PREP: variants seen among roughly 807,000 people sequenced by gnomAD.
The protein encoded by PREP is prolyl endopeptidase.
Under a neutral mutation model 87.6 loss-of-function variants are expected in PREP, and 29 were observed. The ratio of observed to expected loss-of-function variants is 0.33; its 90% CI spans 0.25 to 0.45. The LOEUF is 0.45. Ranked by LOEUF, PREP falls within the 20% of genes least tolerant of loss-of-function variation. PREP has a pLI of 1.00. For synonymous variants in PREP, 337 were observed against 328.6 expected, an observed-to-expected ratio of 1.03 and a Z score of -0.28; for missense variants, 695 against 886.5, an observed-to-expected ratio of 0.78 and a Z score of 2.74.
Position 105,278,583 on chromosome 6 carries a change from T to C in PREP, c.1839-145A>G. ...TGGACTGTGCCTATGCGTTACCATT[T>C]AGGCCATGACTGGCAAGGGCTCCTG... On this transcript the variant is annotated intron_variant, in intron 14 of 14. Coordinates refer to ENST00000652536, the MANE Select transcript of PREP (RefSeq NM_002726.5). This position sits in a 1 kb window ranked among gnomAD's most constrained non-coding sequence, Gnocchi z 4.2. 1.2e-6 allele frequency: 1 copy of C among 860,620 alleles called. No homozygotes were observed. Among genetic ancestry groups the C allele is most frequent in the Non-Finnish European group, 1.7e-6 (1 of 576,070 alleles). 53.3% of individuals were successfully genotyped at this position (860,620 alleles called of 1,614,324 possible).
chr6:105,359,336 G>C (rs529116083), intron 6 of PREP, among the ~76,000 whole-genome samples: 1 of 152,270 alleles, frequency 6.6e-6, no homozygotes, highest in East Asian at 1.9e-4. Context: ...GCCAGAGAGG[G>C]GCATCTACAG....
intron 6 of PREP, among the ~76,000 whole-genome samples, chr6:105,366,115 C>T (rs1275772295): frequency 6.6e-6 from 1 of 151,980 alleles, no homozygotes; most frequent in Non-Finnish European, 1.5e-5. Flanking sequence ...ATTATCCCGG[C>T]GTGGTGGTCC....
chr6:105,356,484 T>A (rs374988662), intron 6 of PREP, among the ~76,000 whole-genome samples: 5 of 152,194 alleles, frequency 3.3e-5, no homozygotes, highest in African/African-American at 1.2e-4. Context: ...ATGAGGGGAT[T>A]CCAAGGCAGA....
intron 7 of PREP, among the ~76,000 whole-genome samples, chr6:105,336,260 A>G (rs1771474493): frequency 6.6e-6 from 1 of 152,270 alleles, no homozygotes; most frequent in South Asian, 2.1e-4. Flanking sequence ...ACCCTGTCTC[A>G]AGAAAATATA....
intron 4 of PREP, 135 bp downstream of exon 4, chr6:105,375,990 G>A (rs1012093128): frequency 1.9e-6 from 2 of 1,035,008 alleles, no homozygotes; most frequent in Non-Finnish European, 2.7e-6. Flanking sequence ...TAGCTTTCCT[G>A]ATATTGTATG....
intron 2 of PREP, among the ~76,000 whole-genome samples, chr6:105,395,233 G>A (rs563378251): frequency 6.6e-6 from 1 of 152,312 alleles, no homozygotes; most frequent in African/African-American, 2.4e-5. Context: ...TCACACCTGA[G>A]GGCCTACAAA....
At chr6:105,311,510 G>C (rs1263933986) in intron 10 of PREP, among the ~76,000 whole-genome samples, 1 of 152,226 alleles carries the variant, frequency 6.6e-6, no homozygotes. Context: ...GGAACTTCCC[G>C]TGACCACTCC....
At chr6:105,380,672 G>A (rs1772813186) in intron 2 of PREP, among the ~76,000 whole-genome samples, 1 of 152,064 alleles carries the variant, frequency 6.6e-6, no homozygotes, top group Non-Finnish European at 1.5e-5. Context: ...TTTCCCAGAG[G>A]GCCTCACCAG....
At chr6:105,375,827 G>A (rs184594842) in intron 4 of PREP, among the ~76,000 whole-genome samples, 2 of 152,312 alleles carry the variant, frequency 1.3e-5, no homozygotes, top group East Asian at 3.9e-4. Flanking sequence ...TCTCAGGGAT[G>A]TTGGAGGAAA....
intron 10 of PREP, 146 bp from the exon 11 acceptor site, chr6:105,289,040 G>T: frequency 1.3e-6 from 1 of 771,576 alleles, no homozygotes; most frequent in Non-Finnish European, 2.0e-6. Context: ...ATTTGGTGAA[G>T]CACCTTTCAG....
intron 2 of PREP, among the ~76,000 whole-genome samples, chr6:105,393,755 T>G (rs1311168193): frequency 6.6e-6 from 1 of 152,228 alleles, no homozygotes; most frequent in African/African-American, 2.4e-5. Context: ...TCTGATTTTG[T>G]TTTATAAAGG....
At chr6:105,291,610 G>A (rs571108931) in intron 10 of PREP, among the ~76,000 whole-genome samples, 117 of 152,144 alleles carry the variant, frequency 7.7e-4, no homozygotes, top group Non-Finnish European at 1.2e-3. Flanking sequence ...CTCAAACATC[G>A]GACTCCAGGT....
intron 6 of PREP, among the ~76,000 whole-genome samples, chr6:105,361,482 T>G (rs1772245191): frequency 6.6e-6 from 1 of 152,134 alleles, no homozygotes; most frequent in Non-Finnish European, 1.5e-5. Context: ...CAAAGAAAGT[T>G]TTTTCATTAT....
intron 10 of PREP, among the ~76,000 whole-genome samples, chr6:105,308,977 G>A (rs73512090): frequency 0.028 from 4,203 of 151,894 alleles, 194 homozygotes; most frequent in African/African-American, 0.099. Flanking sequence ...TATAGTAGAG[G>A]ATGGAGGGCC....
At chr6:105,377,340 C>T (rs55993045) in intron 3 of PREP, 46 bp downstream of exon 3, 1 of 1,551,552 alleles carries the variant, frequency 6.4e-7, no homozygotes. Flanking sequence ...TTTAAGAAAG[C>T]ATTTACTTTG....
intron 10 of PREP, among the ~76,000 whole-genome samples, chr6:105,306,385 T>C (rs1270130486): frequency 6.6e-6 from 1 of 152,128 alleles, no homozygotes; most frequent in East Asian, 1.9e-4. Flanking sequence ...TCCAGTAATA[T>C]TTCTACTACC....
Position 105,285,578 on chromosome 6 carries a change from A to G in PREP, c.1457T>C (p.Val486Ala). 1.2e-6 allele frequency: 2 copies of G among 1,613,170 alleles called. No individual in the cohort carries two copies. Among genetic ancestry groups the G allele is most frequent in the Non-Finnish European group, 1.7e-6 (2 of 1,179,080 alleles). The change falls in exon 12 of 15, where the codon GTT (valine) becomes GCT (alanine). Residue 486 changes from valine (V) to alanine (A), a missense_variant and splice_region_variant. Around this residue, in one of 5 missense-constraint regions of PREP, gnomAD observed 517 missense variants for 620.3 expected, o/e 0.83. Transcript: ENST00000652536. ...FNISITPNYSVSRLIFVRHMG... is the reference protein window; with the variant it reads ...FNISITPNYSASRLIFVRHMG... The stretch of plus-strand genomic sequence containing the variant: ...GTGTCTCACAAAAATAAGCCTGGAA[A>G]CACTGAGAAGCAGTAAAAACAGTTA...
At chr6:105,335,548 T>C (rs1256123696) in intron 7 of PREP, among the ~76,000 whole-genome samples, 1 of 152,246 alleles carries the variant, frequency 6.6e-6, no homozygotes, top group South Asian at 2.1e-4. Flanking sequence ...AATCTCTTTA[T>C]TCCTTGCTAA....
chr6:105,325,021 T>C (rs911461281), intron 9 of PREP, among the ~76,000 whole-genome samples: 1 of 152,210 alleles, frequency 6.6e-6, no homozygotes, highest in African/African-American at 2.4e-5. Context: ...TTATATATAC[T>C]TCCAATTGCA....
Sources: gnomAD v4.1 joint callset for allele counts (sites outside exome capture counted in the v4.1 genomes callset) on GRCh38, gnomAD v4.1.1 for gene constraint, gnomAD v4.1.1 regional missense constraint, Gnocchi (gnomAD v3.1) non-coding constraint, MANE v1.5 for transcripts, NCBI Gene and HGNC (gene_info 2026-07-23, HGNC 2026-07-21) for gene names.